SORD: variants seen among roughly 807,000 people sequenced by gnomAD.
SORD encodes the protein (R,R)-butanediol dehydrogenase.
A neutral mutation model predicts 35.6 loss-of-function variants in SORD; 18 were observed. That is an observed-to-expected ratio of 0.51 (90% CI 0.35 to 0.75). The LOEUF (loss-of-function observed/expected upper bound fraction) is 0.75. SORD is among the 30% of genes least tolerant of loss of function. SORD has a pLI of 0.01. For missense variants in SORD, 250 were observed against 390.2 expected (o/e 0.64, Z 3.03); for synonymous variants, 106 against 152.9 (o/e 0.69, Z 2.26).
intron 3 of SORD, among the ~76,000 whole-genome samples, chr15:45,056,239 T>C (rs369839874): frequency 8.6e-5 from 13 of 151,932 alleles, no homozygotes; most frequent in Middle Eastern, 3.4e-3. Flanking sequence ...ATCTAGAAAA[T>C]CCCATTGTCT....
intron 5 of SORD, among the ~76,000 whole-genome samples, chr15:45,067,437 T>C (rs1043547796): frequency 5.9e-5 from 9 of 152,244 alleles, no homozygotes; most frequent in Admixed American, 3.3e-4. Flanking sequence ...ATGTAGTTTT[T>C]AAATCATGCT....
intron 1 of SORD, among the ~76,000 whole-genome samples, chr15:45,026,611 A>G (rs1033253139): frequency 2.6e-4 from 30 of 117,192 alleles, no homozygotes; most frequent in African/African-American, 1.6e-3. Context: ...ACTCCTATGA[A>G]GGGAGTTGTT....
chr15:45,026,005 G>T (rs1176451268), intron 1 of SORD, among the ~76,000 whole-genome samples: 2 of 152,196 alleles, frequency 1.3e-5, no homozygotes, highest in Non-Finnish European at 2.9e-5. Flanking sequence ...CATTACCCTG[G>T]AGAGAGCCCC....
intron 7 of SORD, among the ~76,000 whole-genome samples, chr15:45,069,649 A>T (rs1395483754): frequency 6.6e-6 from 1 of 152,190 alleles, no homozygotes; most frequent in African/African-American, 2.4e-5. Flanking sequence ...TCATGATCAT[A>T]TTTGTTAAAA....
intron 1 of SORD, among the ~76,000 whole-genome samples, chr15:45,036,980 T>C (rs1443397611): frequency 2.6e-5 from 4 of 152,216 alleles, no homozygotes; most frequent in Non-Finnish European, 5.9e-5. Context: ...AACCATGCTG[T>C]AATAACTTTC....
chr15:45,065,349 C>A lies in SORD; in HGVS notation c.504C>A (p.Gly168=). The A allele has an allele frequency of 1.9e-6, 3 of 1,613,692 alleles. No individual in the cohort carries two copies. Among genetic ancestry groups the A allele is most frequent in the Non-Finnish European group, 2.5e-6 (3 of 1,179,764 alleles). The part of the protein sequence containing the change: ...LSVGIHACRR[G]GVTLGHKVLV... ...TGGGGATCCATGCCTGCAGGAGAGG[C>A]GGAGTTACCCTGGGACACAAGGTCC... The change falls in exon 5 of 9, where the codon GGC becomes GGA. Residue 168 remains glycine (G), a synonymous_variant. Coordinates refer to ENST00000267814, the MANE Select transcript of SORD (RefSeq NM_003104.6).
At chr15:45,045,758 C>T (rs554064623) in intron 3 of SORD, among the ~76,000 whole-genome samples, 2 of 151,894 alleles carry the variant, frequency 1.3e-5, no homozygotes, top group Non-Finnish European at 2.9e-5. Flanking sequence ...AATCTCAGCA[C>T]TTTGGGAGGC....
chr15:45,067,295 G>A (rs1893422933), intron 5 of SORD, among the ~76,000 whole-genome samples: 1 of 152,180 alleles, frequency 6.6e-6, no homozygotes, highest in Non-Finnish European at 1.5e-5. Context: ...CCGGGAGGCG[G>A]AGGTTGCAGT....
chr15:45,067,326 C>T (rs1026230206), intron 5 of SORD, among the ~76,000 whole-genome samples: 14 of 152,190 alleles, frequency 9.2e-5, no homozygotes, highest in African/African-American at 3.1e-4. Flanking sequence ...CACCACTGCA[C>T]TCCAGCCTGG....
intron 5 of SORD, among the ~76,000 whole-genome samples, chr15:45,066,716 C>T (rs991879348): frequency 2.6e-5 from 4 of 152,208 alleles, no homozygotes; most frequent in African/African-American, 7.2e-5. Flanking sequence ...GTTCCTCATA[C>T]TTGTTTGTGA....
chr15:45,030,179 A>G (rs74011328), intron 1 of SORD, among the ~76,000 whole-genome samples: 31,259 of 150,754 alleles, frequency 0.21, 1 homozygote, highest in African/African-American at 0.44. Flanking sequence ...CTGGGTACCC[A>G]CCCCTATCTG....
intron 7 of SORD, 142 bp downstream of exon 7, chr15:45,069,194 C>CTTTTTTTTTTT (rs752540495): frequency 1.1e-4 from 13 of 116,994 alleles, no homozygotes; most frequent in Non-Finnish European, 1.6e-4. Context: ...TTTTCTTTTT[C>CTTTTTTTTTTT]TTTTTTTTTT....
At chr15:45,047,887 C>G (rs1473881882) in intron 3 of SORD, among the ~76,000 whole-genome samples, 1 of 152,208 alleles carries the variant, frequency 6.6e-6, no homozygotes. Flanking sequence ...GTCTCTGATT[C>G]GCTGGTATGG....
intron 7 of SORD, among the ~76,000 whole-genome samples, chr15:45,069,454 C>A (rs1008261559): frequency 1.1e-4 from 17 of 152,066 alleles, no homozygotes; most frequent in African/African-American, 4.1e-4. Flanking sequence ...TCATGATCCG[C>A]CCTCCTCGGC....
At chr15:45,070,890 G>T (rs1291284932) in intron 7 of SORD, 1 of 152,260 alleles carries the variant, frequency 6.6e-6, no homozygotes, top group African/African-American at 2.4e-5. Flanking sequence ...GGGCCTGGTT[G>T]CCAGGCTACC....
chr15:45,069,363 T>C (rs1281929577), intron 7 of SORD, among the ~76,000 whole-genome samples: 1 of 151,866 alleles, frequency 6.6e-6, no homozygotes, highest in South Asian at 2.1e-4. Flanking sequence ...CCTGCCACCA[T>C]GCCCAGCTAA....
At chr15:45,029,418 C>A (rs989528282) in intron 1 of SORD, among the ~76,000 whole-genome samples, 1 of 151,662 alleles carries the variant, frequency 6.6e-6, no homozygotes, top group Non-Finnish European at 1.5e-5. Context: ...TGGGAGGGAG[C>A]ACATGAATGA....
chr15:45,055,774 T>G (rs35109249), intron 3 of SORD, among the ~76,000 whole-genome samples: 131,675 of 150,454 alleles, frequency 0.88, 57,618 homozygotes, highest in Middle Eastern at 0.92. Flanking sequence ...CAGCAGCACA[T>G]CAAAAACTTA....
intron 7 of SORD, among the ~76,000 whole-genome samples, chr15:45,071,452 G>A (rs972461708): frequency 3.3e-5 from 5 of 152,114 alleles, no homozygotes; most frequent in African/African-American, 9.7e-5. Context: ...AGAAGTGGAG[G>A]CTATGATCGT....
Sources: gnomAD v4.1 joint callset for allele counts (sites outside exome capture counted in the v4.1 genomes callset) on GRCh38, gnomAD v4.1.1 for gene constraint, MANE v1.5 for transcripts, NCBI Gene and HGNC (gene_info 2026-07-23, HGNC 2026-07-21) for gene names.